Variants in TEX26 observed in about 807,000 individuals in gnomAD.
TEX26 encodes the protein testis expressed 26, also known as testis-expressed protein 26.
A neutral mutation model predicts 35.3 loss-of-function variants in TEX26; 34 were observed. The ratio of observed to expected loss-of-function variants is 0.96; its 90% CI spans 0.73 to 1.28. The LOEUF is 1.28. Among genes scored for constraint, TEX26 ranks in the 50% most tolerant of loss-of-function variants. The pLI is 0.00. For synonymous variants in TEX26, 136 were observed against 111.8 expected, an observed-to-expected ratio of 1.22 and a Z score of -1.36; for missense variants, 371 against 330.1, an observed-to-expected ratio of 1.12 and a Z score of -0.96.
chr13:30,969,070 CACTT>C, intron 6 of TEX26, 24 bp downstream of exon 6: 3 of 1,600,132 alleles, frequency 1.9e-6, no homozygotes, highest in Non-Finnish European at 2.6e-6. Context: ...TTATTTCACA[CACTT>C]ACAGATCACA....
intron 2 of TEX26, among the ~76,000 whole-genome samples, chr13:30,947,055 A>C (rs1446756105): frequency 6.6e-6 from 1 of 152,116 alleles, no homozygotes; most frequent in Non-Finnish European, 1.5e-5. Flanking sequence ...CTTCTTTGCA[A>C]CTATTTTAGT....
At chr13:30,937,705 G>C (rs529469734) in intron 1 of TEX26, among the ~76,000 whole-genome samples, 17 of 152,332 alleles carry the variant, frequency 1.1e-4, no homozygotes, top group African/African-American at 4.1e-4. Flanking sequence ...GACACTAGGA[G>C]TGCATAGAAG....
chr13:30,936,915 TA>T (rs1199278932), intron 1 of TEX26: 86 of 985,298 alleles, frequency 8.7e-5, no homozygotes, highest in Non-Finnish European at 9.3e-5. Flanking sequence ...ACATTTCTGT[TA>T]ATGAAGAAAA....
chr13:30,944,699 C>T (rs1158584443), intron 2 of TEX26, among the ~76,000 whole-genome samples: 1 of 151,898 alleles, frequency 6.6e-6, no homozygotes, highest in African/African-American at 2.4e-5. Context: ...TCACTGTTAA[C>T]CCAAAAATCA....
intron 2 of TEX26, 44 bp downstream of exon 2, chr13:30,939,822 G>T (rs1222491022): frequency 6.5e-7 from 1 of 1,537,144 alleles, no homozygotes; most frequent in Admixed American, 1.7e-5. Flanking sequence ...GTTTTAATTT[G>T]TTGACTTGTC....
Position 30,934,043 on chromosome 13 carries a change from A to G in TEX26, c.61+1267A>G, listed in dbSNP as rs1032629136. ...CCAGACAGTTCCATGTGGGTGTCAC[A>G]GCAGGGCCTCCAACTTGACATGTGC... On this transcript the variant is annotated intron_variant, in intron 1 of 6. Transcript: ENST00000380473. 2.6e-5 allele frequency among the ~76,000 whole-genome samples: 4 copies of G among 152,346 alleles called. No individual in the cohort carries two copies. In the South Asian group the frequency reaches 8.3e-4, roughly 32 times the overall value.
chr13:30,943,308 T>C (rs946050387), intron 2 of TEX26, among the ~76,000 whole-genome samples: 1 of 152,126 alleles, frequency 6.6e-6, no homozygotes, highest in Non-Finnish European at 1.5e-5. Flanking sequence ...GTCATTGTTG[T>C]ATATAGCAGT....
chr13:30,943,758 T>C (rs1953601236), intron 2 of TEX26, among the ~76,000 whole-genome samples: 1 of 152,072 alleles, frequency 6.6e-6, no homozygotes, highest in Non-Finnish European at 1.5e-5. Context: ...GTTTATGTGA[T>C]ATATCATATT....
intron 2 of TEX26, among the ~76,000 whole-genome samples, chr13:30,949,625 C>A (rs1593560502): frequency 6.6e-6 from 1 of 151,846 alleles, no homozygotes; most frequent in Admixed American, 6.6e-5. Flanking sequence ...GTAACTTATA[C>A]ATTTAGCTAC....
chr13:30,942,643 T>C (rs1953556484), intron 2 of TEX26, among the ~76,000 whole-genome samples: 1 of 152,188 alleles, frequency 6.6e-6, no homozygotes, highest in Admixed American at 6.5e-5. Context: ...TTTTATGGTT[T>C]CCAGTCTTAT....
intron 2 of TEX26, among the ~76,000 whole-genome samples, chr13:30,940,138 A>C (rs948441548): frequency 6.6e-6 from 1 of 152,044 alleles, no homozygotes; most frequent in Non-Finnish European, 1.5e-5. Flanking sequence ...AATTGAGTGA[A>C]TAGATGAATG....
chr13:30,974,131 A>T (rs201289497), intron 6 of TEX26, among the ~76,000 whole-genome samples: 122 of 84,414 alleles, frequency 1.4e-3, no homozygotes, highest in Middle Eastern at 8.8e-3. Context: ...AAAAAAAAAA[A>T]ATATATATAT....
In TEX26 at chr13:30,936,026, T is replaced by C. The variant is rs560698024; in HGVS notation, c.61+3250T>C. 4.6e-5 allele frequency among the ~76,000 whole-genome samples: 7 copies of C among 152,306 alleles called. No homozygotes were observed. The South Asian group carries it at 1.5e-3, about 32-fold the overall frequency. On this transcript the variant is annotated intron_variant, in intron 1 of 6. Coordinates refer to ENST00000380473, the MANE Select transcript of TEX26 (RefSeq NM_152325.3). ...ATTTCCTAATCTCGAAATCTTTAAT[T>C]GCGTGTGCAAAGACCCCTTTTCCCA...
chr13:30,941,520 G>A (rs920140690), intron 2 of TEX26, among the ~76,000 whole-genome samples: 4 of 152,188 alleles, frequency 2.6e-5, no homozygotes, highest in East Asian at 3.9e-4. Context: ...TAGCTTTTGC[G>A]GTACAGGTGG....
intron 1 of TEX26, among the ~76,000 whole-genome samples, chr13:30,938,730 C>T (rs1318849278): frequency 1.3e-5 from 2 of 152,222 alleles, no homozygotes; most frequent in African/African-American, 4.8e-5. Flanking sequence ...GAATCATCAG[C>T]AGTGTTTGAC....
At chr13:30,938,968 G>T (rs1361885093) in intron 1 of TEX26, among the ~76,000 whole-genome samples, 1 of 152,174 alleles carries the variant, frequency 6.6e-6, no homozygotes, top group African/African-American at 2.4e-5. Flanking sequence ...CTACACCACA[G>T]AATTTTGCAC....
At chr13:30,935,606 C>T (rs567006255) in intron 1 of TEX26, among the ~76,000 whole-genome samples, 15 of 152,316 alleles carry the variant, frequency 9.8e-5, no homozygotes, top group South Asian at 8.3e-4. Flanking sequence ...TCTCGACTGC[C>T]GACAGACAGG....
chr13:30,954,619 C>A (rs1192375394), intron 3 of TEX26, among the ~76,000 whole-genome samples: 1 of 151,748 alleles, frequency 6.6e-6, no homozygotes, highest in Non-Finnish European at 1.5e-5. Flanking sequence ...CCACCATGCC[C>A]AGCTAATTTT....
chr13:30,951,004 T>C (rs1410340839), intron 2 of TEX26, among the ~76,000 whole-genome samples: 2 of 152,094 alleles, frequency 1.3e-5, no homozygotes, highest in African/African-American at 2.4e-5. Context: ...TATTGAGAAA[T>C]TGAGATCTGA....
Sources: gnomAD v4.1 joint callset for allele counts (sites outside exome capture counted in the v4.1 genomes callset) on GRCh38, gnomAD v4.1.1 for gene constraint, MANE v1.5 for transcripts, NCBI Gene and HGNC (gene_info 2026-07-23, HGNC 2026-07-21) for gene names.